Variants in TENM3 observed in about 807,000 individuals in gnomAD.
TENM3 encodes teneurin transmembrane protein 3.
Under a neutral mutation model 255.1 loss-of-function variants are expected in TENM3, and 63 were observed. The observed-to-expected ratio is 0.25, with a 90% confidence interval of 0.20 to 0.30. The LOEUF (loss-of-function observed/expected upper bound fraction) is 0.30. TENM3 is among the 10% of genes least tolerant of loss of function. TENM3 has a pLI of 1.00. For synonymous variants in TENM3, 1,306 were observed against 1,322.3 expected, an observed-to-expected ratio of 0.99 and a Z score of 0.27; for missense variants, 2,929 against 3,461.1, an observed-to-expected ratio of 0.85 and a Z score of 3.86.
the TENM3 span, among the ~76,000 whole-genome samples, chr4:182,103,130 G>A: frequency 6.6e-6 from 1 of 152,134 alleles, no homozygotes; most frequent in African/African-American, 2.4e-5. Flanking sequence ...CACTAAACTG[G>A]CATTTACACA....
At chr4:181,511,260 AC>A in the TENM3 span, among the ~76,000 whole-genome samples, 1 of 152,224 alleles carries the variant, frequency 6.6e-6, no homozygotes, top group Non-Finnish European at 1.5e-5. Flanking sequence ...TGCAATTTAT[AC>A]CAAACCTGTG....
chr4:182,728,894 G>T, intron 13 of TENM3, 71 bp from the exon 14 acceptor site: 4 of 1,207,032 alleles, frequency 3.3e-6, no homozygotes, highest in Non-Finnish European at 4.7e-6. Context: ...AAACAGTCAA[G>T]AAACAAAACT....
the TENM3 span, among the ~76,000 whole-genome samples, chr4:182,066,796 A>C: frequency 6.6e-6 from 1 of 152,012 alleles, no homozygotes; most frequent in Non-Finnish European, 1.5e-5. Context: ...CTGTAGTCCC[A>C]GCTACTCGGG....
At chr4:182,742,969 G>A (rs184143935) in intron 18 of TENM3, among the ~76,000 whole-genome samples, 5 of 152,128 alleles carry the variant, frequency 3.3e-5, no homozygotes, top group Non-Finnish European at 7.4e-5. Context: ...AGCACTGTTG[G>A]TATATATCCT....
chr4:181,475,246 A>G, the TENM3 span, among the ~76,000 whole-genome samples: 3 of 152,322 alleles, frequency 2.0e-5, no homozygotes, highest in Admixed American at 1.3e-4. Flanking sequence ...GGGCCCCTAT[A>G]GACCACTAGG....
chr4:181,617,343 G>A, the TENM3 span, among the ~76,000 whole-genome samples: 11 of 152,166 alleles, frequency 7.2e-5, no homozygotes, highest in South Asian at 4.2e-4. Context: ...TTCAGTAGGC[G>A]TCATGAAGTA....
chr4:181,521,184 C>T, the TENM3 span, among the ~76,000 whole-genome samples: 2 of 152,226 alleles, frequency 1.3e-5, no homozygotes, highest in African/African-American at 4.8e-5. Context: ...GACCCTGGCG[C>T]CCTGTCTCTT....
the TENM3 span, among the ~76,000 whole-genome samples, chr4:181,557,731 A>T: frequency 6.6e-6 from 1 of 151,754 alleles, no homozygotes; most frequent in African/African-American, 2.4e-5. Flanking sequence ...GGGTTTTGCC[A>T]TGTTGCCCAG....
intron 3 of TENM3, among the ~76,000 whole-genome samples, chr4:182,526,780 A>G (rs1739235910): frequency 6.6e-6 from 1 of 152,198 alleles, no homozygotes; most frequent in East Asian, 1.9e-4. Context: ...GCATGGTAGT[A>G]CATCTTTATT....
intron 3 of TENM3, among the ~76,000 whole-genome samples, chr4:182,524,259 T>A (rs572547778): frequency 4.0e-4 from 61 of 151,904 alleles, no homozygotes; most frequent in African/African-American, 1.5e-3. Flanking sequence ...TCATTTCAAA[T>A]TGGTGACATG....
chr4:182,060,173 G>C, the TENM3 span, among the ~76,000 whole-genome samples: 2 of 152,048 alleles, frequency 1.3e-5, no homozygotes, highest in Non-Finnish European at 2.9e-5. Context: ...GGAGTTTGAG[G>C]TTACAGTGAG....
At chr4:181,805,456 G>C in the TENM3 span, among the ~76,000 whole-genome samples, 1 of 152,130 alleles carries the variant, frequency 6.6e-6, no homozygotes. Context: ...CTTCATTCAA[G>C]TGCCCACGGA....
intron 3 of TENM3, among the ~76,000 whole-genome samples, chr4:182,448,595 C>T (rs1446128551): frequency 6.6e-6 from 1 of 152,144 alleles, no homozygotes; most frequent in Non-Finnish European, 1.5e-5. Context: ...GAGAACAGCT[C>T]TGAGGCGGGA....
intron 3 of TENM3, among the ~76,000 whole-genome samples, chr4:182,481,435 C>T (rs1460139084): frequency 6.6e-6 from 1 of 152,094 alleles, no homozygotes; most frequent in Non-Finnish European, 1.5e-5. Flanking sequence ...ATTCATTATT[C>T]AGTAGGGTAA....
At chr4:182,503,978 T>G (rs1317930747) in intron 3 of TENM3, among the ~76,000 whole-genome samples, 2 of 152,060 alleles carry the variant, frequency 1.3e-5, no homozygotes, top group Non-Finnish European at 2.9e-5. Flanking sequence ...TTCCTAACAC[T>G]TCATACTATC....
chr4:181,575,387 A>ACAAAAAAT, the TENM3 span, among the ~76,000 whole-genome samples: 1 of 152,138 alleles, frequency 6.6e-6, no homozygotes, highest in East Asian at 1.9e-4. Context: ...TTACAATTCG[A>ACAAAAAAT]TGGTAATGTC....
chr4:181,721,521 A>C, the TENM3 span, among the ~76,000 whole-genome samples: 1 of 80,364 alleles, frequency 1.2e-5, no homozygotes, highest in African/African-American at 4.1e-5. Flanking sequence ...AATGGCGTGA[A>C]CCCGGGAGGC....
At chr4:181,588,318 T>G in the TENM3 span, among the ~76,000 whole-genome samples, 1 of 152,182 alleles carries the variant, frequency 6.6e-6, no homozygotes, top group Non-Finnish European at 1.5e-5. Flanking sequence ...TAATTATCTC[T>G]GAATCCTTTT....
the TENM3 span, among the ~76,000 whole-genome samples, chr4:181,487,587 G>T: frequency 3.3e-5 from 5 of 152,126 alleles, no homozygotes; most frequent in East Asian, 9.7e-4. Flanking sequence ...CTGCCCTCAT[G>T]ACCTAATCAC....
Sources: gnomAD v4.1 joint callset for allele counts (sites outside exome capture counted in the v4.1 genomes callset) on GRCh38, gnomAD v4.1.1 for gene constraint, MANE v1.5 for transcripts, NCBI Gene and HGNC (gene_info 2026-07-23, HGNC 2026-07-21) for gene names.